The following ADARB2 variants were observed in gnomAD, a reference collection of about 807,000 sequenced individuals.
ADARB2 encodes the protein adenosine deaminase RNA specific B2 (inactive).
Under a neutral mutation model 62.2 loss-of-function variants are expected in ADARB2, and 25 were observed. That is an observed-to-expected ratio of 0.40 (90% confidence interval 0.29 to 0.56). The LOEUF is 0.56. ADARB2 is among the 20% of genes least tolerant of loss of function. The pLI is 0.43. For missense variants in ADARB2, 1,071 were observed against 1,077.4 expected, an observed-to-expected ratio of 0.99 and a Z score of 0.08; for synonymous variants, 572 against 500.8, an observed-to-expected ratio of 1.14 and a Z score of -1.90.
chr10:1,534,229 C>T (rs535408439), intron 1 of ADARB2, among the ~76,000 whole-genome samples: 30 of 151,948 alleles, frequency 2.0e-4, no homozygotes, highest in Admixed American at 1.0e-3. Context: ...CTCTGTCTCC[C>T]GGGTTCAACC....
chr10:1,546,330 T>A (rs1832519220), intron 1 of ADARB2, among the ~76,000 whole-genome samples: 1 of 152,236 alleles, frequency 6.6e-6, no homozygotes, highest in Non-Finnish European at 1.5e-5. Context: ...AAAACCCTGG[T>A]GTTTCGGCAA....
chr10:1,469,262 G>A (rs1278204357), intron 1 of ADARB2, among the ~76,000 whole-genome samples: 6 of 152,112 alleles, frequency 3.9e-5, no homozygotes, highest in Non-Finnish European at 4.4e-5. Context: ...GTCTGCGCAC[G>A]GCTCCGGGAG....
chr10:1,375,731 A>G (rs1327048629), intron 2 of ADARB2, among the ~76,000 whole-genome samples: 1 of 151,438 alleles, frequency 6.6e-6, no homozygotes, highest in Non-Finnish European at 1.5e-5. Flanking sequence ...GCGTGCACAC[A>G]TGTGCACAGA....
intron 4 of ADARB2, among the ~76,000 whole-genome samples, chr10:1,249,501 C>T (rs1453314323): frequency 1.3e-5 from 2 of 151,234 alleles, no homozygotes; most frequent in Non-Finnish European, 2.9e-5. Flanking sequence ...ATTACAGACA[C>T]TGATAAGGCA....
Position 1,694,627 on chromosome 10 carries a change from T to C in ADARB2, c.100+42424A>G, listed in dbSNP as rs934899420. 2.6e-5 allele frequency among the ~76,000 whole-genome samples: 4 copies of C among 152,322 alleles called. No homozygotes were observed. In the South Asian group the frequency reaches 8.3e-4, roughly 32 times the overall value. ...CCTTATTCTTGGTCAGTCCCTAGAA[T>C]AATTAACAATCAACACTCAAATCGA... On this transcript the variant is annotated intron_variant, in intron 1 of 9. Transcript: ENST00000381312.
intron 1 of ADARB2, among the ~76,000 whole-genome samples, chr10:1,483,714 T>C (rs879385746): frequency 7.2e-4 from 47 of 65,042 alleles, no homozygotes; most frequent in East Asian, 8.6e-4. Flanking sequence ...AACTAATGAT[T>C]TAGCATTTAC....
At chr10:1,228,272 G>C (rs896549428) in intron 6 of ADARB2, among the ~76,000 whole-genome samples, 1 of 152,218 alleles carries the variant, frequency 6.6e-6, no homozygotes, top group Non-Finnish European at 1.5e-5. Flanking sequence ...GAAAATGGCT[G>C]TAAGAACTGA....
intron 6 of ADARB2, among the ~76,000 whole-genome samples, chr10:1,225,739 C>T (rs890873713): frequency 1.3e-5 from 2 of 148,900 alleles, no homozygotes; most frequent in Non-Finnish European, 3.0e-5. Flanking sequence ...AATGTTGGTC[C>T]CCACTCTCTT....
At chr10:1,494,942 A>C (rs1256519061) in intron 1 of ADARB2, among the ~76,000 whole-genome samples, 6 of 152,182 alleles carry the variant, frequency 3.9e-5, no homozygotes, top group Non-Finnish European at 2.9e-5. Context: ...TCTTGCTAAA[A>C]ACATAAAAGA....
At chr10:1,424,144 TGG>T (rs1449693847) in intron 1 of ADARB2, among the ~76,000 whole-genome samples, 2 of 152,190 alleles carry the variant, frequency 1.3e-5, no homozygotes, top group Non-Finnish European at 2.9e-5. Flanking sequence ...ACGTATACAG[TGG>T]GACCACTATG....
intron 1 of ADARB2, among the ~76,000 whole-genome samples, chr10:1,637,231 G>A (rs1024999469): frequency 4.8e-5 from 7 of 144,718 alleles, no homozygotes; most frequent in Non-Finnish European, 7.8e-5. Context: ...TATTTCTGCC[G>A]TGATGATGTA....
chr10:1,381,615 A>G (rs571651670), intron 1 of ADARB2, among the ~76,000 whole-genome samples: 1 of 152,208 alleles, frequency 6.6e-6, no homozygotes, highest in East Asian at 1.9e-4. Flanking sequence ...GGATGAGTGG[A>G]TAAGTGAAAT....
chr10:1,642,763 TCA>T (rs1231017083), intron 1 of ADARB2, among the ~76,000 whole-genome samples: 5 of 151,442 alleles, frequency 3.3e-5, no homozygotes, highest in Admixed American at 6.6e-5. Context: ...GCACACACAC[TCA>T]CACTCCCTCA....
At chr10:1,354,466 C>T (rs951414240) in intron 3 of ADARB2, among the ~76,000 whole-genome samples, 9 of 152,052 alleles carry the variant, frequency 5.9e-5, no homozygotes, top group East Asian at 3.9e-4. Context: ...CATCTCCCTT[C>T]GCTGATTCTC....
At chr10:1,422,872 C>T (rs750873852) in intron 1 of ADARB2, among the ~76,000 whole-genome samples, 8 of 152,168 alleles carry the variant, frequency 5.3e-5, no homozygotes, top group Non-Finnish European at 1.0e-4. Flanking sequence ...GGGTCTACCC[C>T]ATCACTCTCC....
At chr10:1,701,893 A>G (rs534010069) in intron 1 of ADARB2, among the ~76,000 whole-genome samples, 35 of 151,360 alleles carry the variant, frequency 2.3e-4, no homozygotes, top group Admixed American at 1.8e-3. Flanking sequence ...GCGCTCGCCA[A>G]TACACTCAAT....
At chr10:1,508,663 C>T (rs1831882908) in intron 1 of ADARB2, among the ~76,000 whole-genome samples, 1 of 152,170 alleles carries the variant, frequency 6.6e-6, no homozygotes, top group Non-Finnish European at 1.5e-5. Context: ...CCTGTATTTC[C>T]AGCTACTCAG....
In ADARB2 at chr10:1,271,513, G is replaced by A. The variant is rs189798344; in HGVS notation, c.1078-444C>T. Reference sequence around the variant, plus strand: ...GTGCTCTTCTGGCAAAATGGCTGGCGCTGTGGCTCTCTCCACAACTTCTTC... The same window carrying A: ...GTGCTCTTCTGGCAAAATGGCTGGCACTGTGGCTCTCTCCACAACTTCTTC... On this transcript the variant is annotated intron_variant, in intron 3 of 9. Transcript: ENST00000381312. Among the ~76,000 whole-genome samples the A allele has an allele frequency of 2.2e-4, 34 of 152,272 alleles. No homozygotes were observed. The East Asian group carries it at 5.2e-3, about 23-fold the overall frequency.
chr10:1,320,296 G>C (rs188181844), intron 3 of ADARB2, among the ~76,000 whole-genome samples: 2 of 152,172 alleles, frequency 1.3e-5, no homozygotes, highest in African/African-American at 4.8e-5. Context: ...GCAAAGTAGG[G>C]CTCCCCAAAA....
Sources: allele counts gnomAD v4.1 joint callset (sites outside exome capture counted in the v4.1 genomes callset), GRCh38; gene constraint gnomAD v4.1.1; transcripts MANE v1.5; gene names NCBI Gene and HGNC (gene_info 2026-07-23, HGNC 2026-07-21).